TBC1D22A: variants seen among roughly 807,000 people sequenced by gnomAD.
TBC1D22A encodes putative GTPase activator.
In TBC1D22A, 38 loss-of-function variants were observed where a neutral mutation model predicts 60.2. The observed-to-expected ratio is 0.63, with a 90% CI of 0.49 to 0.83. The LOEUF (loss-of-function observed/expected upper bound fraction) is 0.83, where lower values mean the gene tolerates loss of function less well. Among genes scored for constraint, TBC1D22A ranks in the 40% least tolerant of loss-of-function variants. TBC1D22A has a pLI of 0.00. For synonymous variants in TBC1D22A, 302 were observed against 281.7 expected, an observed-to-expected ratio of 1.07 and a Z score of -0.72; for missense variants, 628 against 701.0, an observed-to-expected ratio of 0.90 and a Z score of 1.18.
chr22:47,115,533 A>G (rs539477859), intron 12 of TBC1D22A, among the ~76,000 whole-genome samples: 17 of 152,202 alleles, frequency 1.1e-4, no homozygotes, highest in African/African-American at 3.6e-4. Context: ...GCTTGTGTGG[A>G]AAGTTGTGTG....
At chr22:47,050,015 C>T (rs1311946494) in intron 11 of TBC1D22A, among the ~76,000 whole-genome samples, 1 of 152,120 alleles carries the variant, frequency 6.6e-6, no homozygotes, top group Non-Finnish European at 1.5e-5. Flanking sequence ...GGGGGCATTT[C>T]CTTTTTTCAG....
In TBC1D22A at chr22:46,781,764, G is replaced by A. The variant is rs1191843708; in HGVS notation, c.63-10756G>A. On this transcript the variant is annotated intron_variant, in intron 1 of 12. Coordinates refer to ENST00000337137, the MANE Select transcript of TBC1D22A (RefSeq NM_014346.5). ...CATTGTTCCACTTTCACCTGTGTGC[G>A]GCCTCTCCTGTCGTGGGTTAGAGTC... Among the ~76,000 whole-genome samples the A allele has an allele frequency of 3.9e-5, 6 of 152,240 alleles. No homozygotes were observed. In the East Asian group the frequency reaches 5.8e-4, roughly 15 times the overall value.
intron 12 of TBC1D22A, among the ~76,000 whole-genome samples, chr22:47,157,112 C>T (rs1206953407): frequency 6.6e-6 from 1 of 152,204 alleles, no homozygotes; most frequent in Non-Finnish European, 1.5e-5. Flanking sequence ...GTGCAAGGCG[C>T]CTCCTGTGGG....
chr22:47,173,558 C>A lies in TBC1D22A; in HGVS notation c.1486C>A (p.Leu496Met). ...TAHWDDEDISLLLAEAYRLKF... is the reference protein window; with the variant it reads ...TAHWDDEDISMLLAEAYRLKF... ...CCACTGGGATGATGAGGACATCAGC[C>A]TGTTGCTGGCCGAGGCCTACCGCCT... Residue 496 changes from leucine (L) to methionine (M), a missense_variant, in exon 13 of 13, where the codon CTG becomes ATG. By Grantham distance (15) the Leu-to-Met change is conservative. Transcript: ENST00000337137. 1 of 1,614,172 alleles carries A rather than the reference C, an allele frequency of 6.2e-7. No homozygotes were observed. The highest frequency in any genetic ancestry group is 1.3e-5 in the African/African-American group (1 of 75,070).
chr22:47,164,266 T>A (rs5767554), intron 12 of TBC1D22A, among the ~76,000 whole-genome samples: 1 of 152,168 alleles, frequency 6.6e-6, no homozygotes, highest in Non-Finnish European at 1.5e-5. Flanking sequence ...GACATGGGCC[T>A]CTGTGGCCTC....
chr22:47,159,762 C>G (rs539619140), intron 12 of TBC1D22A, among the ~76,000 whole-genome samples: 3 of 151,622 alleles, frequency 2.0e-5, no homozygotes, highest in Admixed American at 1.3e-4. Flanking sequence ...ACACTAAACA[C>G]CCACACCACA....
At chr22:46,940,977 A>G (rs893874977) in intron 8 of TBC1D22A, among the ~76,000 whole-genome samples, 3 of 143,434 alleles carry the variant, frequency 2.1e-5, no homozygotes, top group Admixed American at 7.0e-5. Context: ...ATATATATAT[A>G]TATGTATGTA....
chr22:46,828,411 C>G (rs1441363413), intron 4 of TBC1D22A, among the ~76,000 whole-genome samples: 2 of 152,236 alleles, frequency 1.3e-5, no homozygotes, highest in Non-Finnish European at 2.9e-5. Flanking sequence ...TGAAGAACTA[C>G]CTGGGCCACT....
At chr22:47,128,848 A>G (rs544605187) in intron 12 of TBC1D22A, among the ~76,000 whole-genome samples, 1 of 152,326 alleles carries the variant, frequency 6.6e-6, no homozygotes, top group South Asian at 2.1e-4. Flanking sequence ...GAGTCCCATC[A>G]AGATCCCCGG....
At chr22:47,130,133 G>A (rs1425445637) in intron 12 of TBC1D22A, among the ~76,000 whole-genome samples, 8 of 152,200 alleles carry the variant, frequency 5.3e-5, no homozygotes, top group African/African-American at 1.4e-4. Flanking sequence ...TTCTGGGACA[G>A]CATGTCACTT....
intron 10 of TBC1D22A, among the ~76,000 whole-genome samples, chr22:47,019,539 G>A (rs145854327): frequency 1.1e-3 from 167 of 151,820 alleles, no homozygotes; most frequent in Non-Finnish European, 1.9e-3. Flanking sequence ...AGGTGTTTGG[G>A]GGCAGAGGAA....
chr22:46,883,809 C>T (rs1190390410), intron 5 of TBC1D22A, among the ~76,000 whole-genome samples: 2 of 152,214 alleles, frequency 1.3e-5, no homozygotes, highest in Admixed American at 1.3e-4. Flanking sequence ...TGTTTCCGGC[C>T]TTGCCCCTAG....
chr22:46,978,211 C>T (rs918496769), intron 9 of TBC1D22A, among the ~76,000 whole-genome samples: 11 of 152,204 alleles, frequency 7.2e-5, no homozygotes, highest in Non-Finnish European at 1.5e-4. Context: ...ATGCCCAGGC[C>T]TGTGTGCCTT....
At chr22:46,993,542 C>T (rs999122236) in intron 9 of TBC1D22A, among the ~76,000 whole-genome samples, 20 of 152,192 alleles carry the variant, frequency 1.3e-4, no homozygotes, top group Non-Finnish European at 2.4e-4. Context: ...TGCCCAGGTA[C>T]GTGTTCACCA....
chr22:46,963,305 G>A (rs1028265814), intron 8 of TBC1D22A, among the ~76,000 whole-genome samples: 1 of 151,064 alleles, frequency 6.6e-6, no homozygotes, highest in African/African-American at 2.4e-5. Context: ...CCTGGGCCAC[G>A]CAGTGCTCAT....
At chr22:47,095,157 T>C (rs1293365466) in intron 11 of TBC1D22A, among the ~76,000 whole-genome samples, 1 of 152,224 alleles carries the variant, frequency 6.6e-6, no homozygotes, top group Non-Finnish European at 1.5e-5. Flanking sequence ...TGAAACACAG[T>C]GGTCTGGTGA....
chr22:47,141,943 A>AT (rs1043486597), intron 12 of TBC1D22A, among the ~76,000 whole-genome samples: 14 of 152,228 alleles, frequency 9.2e-5, no homozygotes, highest in Admixed American at 2.0e-4. Context: ...ACGTATTTGG[A>AT]TTTTTATGGA....
At chr22:47,159,117 TACAC>T (rs142328279) in intron 12 of TBC1D22A, among the ~76,000 whole-genome samples, 1 of 142,350 alleles carries the variant, frequency 7.0e-6, no homozygotes, top group African/African-American at 2.7e-5. Flanking sequence ...TCACCATATA[TACAC>T]ACACACACCA....
chr22:46,990,221 C>G lies in TBC1D22A; in HGVS notation c.1126-7413C>G, dbSNP rs968582980. Among the ~76,000 whole-genome samples, 2 of 152,208 alleles carry G rather than the reference C, an allele frequency of 1.3e-5. No individual in the cohort carries two copies. Among genetic ancestry groups the G allele is most frequent in the African/African-American group, 2.4e-5 (1 of 41,450 alleles). ...TATATATTCATCTAATCTGTCCAAC[C>G]TAATTATTTATACGGTTGGGGTTTA... On this transcript the variant is annotated intron_variant, in intron 9 of 12. Transcript: ENST00000337137. This position sits in a 1 kb window ranked among gnomAD's most constrained non-coding sequence, Gnocchi z 4.6.
Sources: allele counts gnomAD v4.1 joint callset (sites outside exome capture counted in the v4.1 genomes callset), GRCh38; gene constraint gnomAD v4.1.1; non-coding constraint Gnocchi (gnomAD v3.1); transcripts MANE v1.5; gene names NCBI Gene and HGNC (gene_info 2026-07-23, HGNC 2026-07-21).